FUOM: variants seen among roughly 807,000 people sequenced by gnomAD.
FUOM encodes the protein protein fucU homolog.
Under a neutral mutation model 18.3 loss-of-function variants are expected in FUOM, and 19 were observed. The observed-to-expected ratio is 1.04, with a 90% CI of 0.73 to 1.53. The LOEUF (loss-of-function observed/expected upper bound fraction) is 1.53, where lower values mean the gene tolerates loss of function less well. Ranked by LOEUF, FUOM falls within the 40% of genes most tolerant of loss-of-function variation. The pLI is 0.00. For missense variants in FUOM, 210 were observed against 200.9 expected (o/e 1.04, Z -0.27); for synonymous variants, 102 against 87.9 (o/e 1.16, Z -0.90).
chr10:133,354,756 G>A (rs1027232547), downstream of FUOM, among the ~76,000 whole-genome samples: 1 of 151,880 alleles, frequency 6.6e-6, no homozygotes, highest in Non-Finnish European at 1.5e-5. Flanking sequence ...GCCTGCCAGG[G>A]CAAGTGAGGC....
intron 2 of FUOM, 32 bp downstream of exon 2, chr10:133,357,155 G>T: frequency 3.5e-6 from 4 of 1,138,770 alleles, no homozygotes; most frequent in Middle Eastern, 2.0e-4. Flanking sequence ...TCACCCGCCC[G>T]CCCTGCCCTG....
chr10:133,353,166 AACGGAC>A (rs1425862887), downstream of FUOM, among the ~76,000 whole-genome samples: 1 of 152,164 alleles, frequency 6.6e-6, no homozygotes, highest in Non-Finnish European at 1.5e-5. Flanking sequence ...GGCCCAGCTG[AACGGAC>A]GTGCATGTGC....
downstream of FUOM, chr10:133,355,057 T>A (rs1848741841): frequency 2.5e-6 from 1 of 399,080 alleles, no homozygotes; most frequent in Non-Finnish European, 4.6e-6. Context: ...AGGCCTGATT[T>A]CCCACTCAAG....
chr10:133,356,173 TG>T (rs1848788698), intron 4 of FUOM, among the ~76,000 whole-genome samples: 1 of 152,226 alleles, frequency 6.6e-6, no homozygotes, highest in Admixed American at 6.5e-5. Flanking sequence ...GCCAGTGGGT[TG>T]CCCAGGAAAA....
In FUOM at chr10:133,356,658, T is replaced by C. The variant is rs1277436842; in HGVS notation, c.306A>G (p.Leu102=). 1 of 1,590,278 alleles carries C rather than the reference T, an allele frequency of 6.3e-7. No homozygotes were observed. Among genetic ancestry groups the C allele is most frequent in the South Asian group, 1.1e-5 (1 of 88,684 alleles). Residue 102 remains leucine, a synonymous_variant, in exon 4 of 6, where the codon CTA becomes CTG. Transcript: ENST00000278025. ...GGCTTACCACACAGCCGGCCCTGCG[T>C]AGGATGGACTCGTACTCCGTCCACA... The part of the protein sequence containing the change: ...TPVWTEYESI[L]RRAGCVRALA...
chr10:133,355,806 G>A lies in FUOM; in HGVS notation c.330C>T (p.Ala110=), dbSNP rs775158695. 9 of 1,612,748 alleles carry A rather than the reference G, an allele frequency of 5.6e-6. No homozygotes were observed. The South Asian group carries it at 8.8e-5, about 16-fold the overall frequency. ...ACTCAAACCTCTCTATCTTTGCCAG[G>A]GCTCTCTGGAAGACAAAATGGCAGG... The part of the protein sequence containing the change: ...SILRRAGCVR[A]LAKIERFEFY... The change falls in exon 5 of 6, where the codon GCC becomes GCT. Residue 110 remains alanine (A), a synonymous_variant. Transcript: ENST00000278025.
downstream of FUOM, among the ~76,000 whole-genome samples, chr10:133,354,859 G>C (rs541134843): frequency 6.6e-6 from 1 of 152,320 alleles, no homozygotes; most frequent in Admixed American, 6.5e-5. Flanking sequence ...GTCCAGGCCA[G>C]CCCCTGCCAC....
In FUOM at chr10:133,356,689, G is replaced by T; in HGVS notation, c.275C>A (p.Thr92Asn). The change falls in exon 4 of 6, where the codon ACC (threonine) becomes AAC (asparagine). Residue 92 changes from threonine to asparagine, a missense_variant. Coordinates refer to ENST00000278025, the MANE Select transcript of FUOM (RefSeq NM_001098483.3). ...GGACTCGTACTCCGTCCACACTGGG[G>T]TCTGCAGGCCCCTCTCCTTGTCGCT... ...VPSDKERGLQTPVWTEYESIL... is the reference protein window; with the variant it reads ...VPSDKERGLQNPVWTEYESIL... The T allele has an allele frequency of 6.2e-7, 1 of 1,601,796 alleles. No individual in the cohort carries two copies. The highest frequency in any genetic ancestry group is 8.5e-7 in the Non-Finnish European group (1 of 1,173,356).
At chr10:133,357,776 AG>A (rs1848857893) in intron 1 of FUOM, 146 bp downstream of exon 1, 3 of 575,098 alleles carry the variant, frequency 5.2e-6, no homozygotes, top group South Asian at 2.2e-5. Flanking sequence ...AATGCGGGGG[AG>A]GGGGCTTCCT....
At chr10:133,355,952 C>G in intron 4 of FUOM, 141 bp from the exon 5 acceptor site, 3 of 735,442 alleles carry the variant, frequency 4.1e-6, no homozygotes, top group Non-Finnish European at 7.1e-6. Context: ...GCAAGGGCCC[C>G]ACGGTCACTC....
chr10:133,357,889 G>A lies in FUOM; in HGVS notation c.85+34C>T. Reference sequence around the variant, plus strand: ...AGCCTCGCCCTCCTGCCTGTCCCGGGGTGCTCCCCGAGGCCCCGGCCCGCT... The same window carrying A: ...AGCCTCGCCCTCCTGCCTGTCCCGGAGTGCTCCCCGAGGCCCCGGCCCGCT... On this transcript the variant is annotated intron_variant, in intron 1 of 5. Transcript: ENST00000278025. 2.7e-6 allele frequency: 4 copies of A among 1,501,432 alleles called. 1 individual carries two copies. In the South Asian group the frequency reaches 3.7e-5, roughly 14 times the overall value. 93.0% of individuals were successfully genotyped at this position (1,501,432 alleles called of 1,614,324 possible).
Position 133,356,677 on chromosome 10 carries a change from GT to G in FUOM, c.286del (p.Thr96ArgfsTer13). ...CCTGCGTAGGATGGACTCGTACTCC[GT>G]CCACACTGGGGTCTGCAGGCCCCTC... ...KERGLQTPVW[T>X]EYESILRRAG... On this transcript the variant is annotated frameshift_variant, in exon 4 of 6. Coordinates refer to ENST00000278025, the MANE Select transcript of FUOM (RefSeq NM_001098483.3). LOFTEE classifies it high-confidence loss of function. The G allele has an allele frequency of 2.5e-6, 4 of 1,600,612 alleles. No individual in the cohort carries two copies. The highest frequency in any genetic ancestry group is 3.4e-6 in the Non-Finnish European group (4 of 1,172,806).
chr10:133,353,172 C>T (rs549652690), downstream of FUOM, among the ~76,000 whole-genome samples: 34 of 152,248 alleles, frequency 2.2e-4, no homozygotes, highest in Non-Finnish European at 4.1e-4. Flanking sequence ...GCTGAACGGA[C>T]GTGCATGTGC....
At chr10:133,357,885 C>T in intron 1 of FUOM, 38 bp downstream of exon 1, 1 of 1,494,548 alleles carries the variant, frequency 6.7e-7, no homozygotes, top group East Asian at 2.7e-5. Context: ...CCTGCCTGTC[C>T]CGGGGTGCTC....
At chr10:133,354,031 G>C (rs1242204260), downstream of FUOM, among the ~76,000 whole-genome samples, 1 of 150,944 alleles carries the variant, frequency 6.6e-6, no homozygotes, top group Non-Finnish European at 1.5e-5. Flanking sequence ...TTTTTCTCGT[G>C]ATTTTACTTA....
intron 5 of FUOM, 113 bp downstream of exon 5, chr10:133,355,625 A>G: frequency 6.4e-7 from 1 of 1,558,544 alleles, no homozygotes; most frequent in Non-Finnish European, 8.8e-7. Flanking sequence ...AGCCTCAGCC[A>G]GGCAGAAGCT....
Position 133,355,286 on chromosome 10 carries a change from C to T in FUOM, c.*84G>A. 4.1e-6 allele frequency: 6 copies of T among 1,464,726 alleles called. No individual in the cohort carries two copies. The South Asian group carries it at 7.7e-5, about 19-fold the overall frequency. 90.7% of individuals were successfully genotyped at this position (1,464,726 alleles called of 1,614,324 possible). ...GCCAGGGCCCAGGTCTGGGAGCTGC[C>T]ACTGGGAGGCCTGTTGTGAGTGGTG... On this transcript the variant is annotated 3_prime_UTR_variant, in exon 6 of 6. Transcript: ENST00000278025.
At chr10:133,357,305 G>T in intron 1 of FUOM, 50 bp from the exon 2 acceptor site, 2 of 1,529,782 alleles carry the variant, frequency 1.3e-6, no homozygotes, top group Non-Finnish European at 1.8e-6. Context: ...CTGCCCTCGG[G>T]GTCGGCGCCG....
downstream of FUOM, among the ~76,000 whole-genome samples, chr10:133,354,299 C>T (rs556245949): frequency 2.6e-5 from 4 of 152,300 alleles, no homozygotes; most frequent in Non-Finnish European, 4.4e-5. Flanking sequence ...GAGCAGCAGG[C>T]GGACAGGACC....
Sources: allele counts gnomAD v4.1 joint callset (sites outside exome capture counted in the v4.1 genomes callset), GRCh38; gene constraint gnomAD v4.1.1; transcripts MANE v1.5; gene names NCBI Gene and HGNC (gene_info 2026-07-23, HGNC 2026-07-21).